Variants in RUNX1 observed in about 807,000 individuals in gnomAD.
RUNX1 encodes RUNX family transcription factor 1, also known as runt-related transcription factor 1.
A neutral mutation model predicts 42.8 loss-of-function variants in RUNX1; 19 were observed. The ratio of observed to expected loss-of-function variants is 0.44; its 90% CI spans 0.31 to 0.65. RUNX1 has a LOEUF of 0.65. Ranked by LOEUF, RUNX1 falls within the 30% of genes least tolerant of loss-of-function variation. RUNX1 has a pLI of 0.07. For synonymous variants in RUNX1, 271 were observed against 289.4 expected (o/e 0.94, Z 0.64); for missense variants, 528 against 672.0 (o/e 0.79, Z 2.37).
Position 34,792,307 on chromosome 21 carries a change from GA to G in RUNX1, c.1270del (p.Ser424ArgfsTer170). 8 of 1,542,120 alleles carry G rather than the reference GA, an allele frequency of 5.2e-6. No individual in the cohort carries two copies. The highest frequency in any genetic ancestry group is 2.0e-5 in the Admixed American group (1 of 50,902). On this transcript the variant is annotated frameshift_variant, in exon 9 of 9. Coordinates refer to ENST00000675419, the MANE Select transcript of RUNX1 (RefSeq NM_001754.5). LOFTEE classifies it high-confidence loss of function. The surrounding 1 kb of genome is among the most constrained non-coding windows in gnomAD (Gnocchi z 6.9). ...GCAGGGCGGCAGGATGCGCGGCGGC[GA>G]GCGCTCGCCGCCCACCATGGAGAAC... ...YQFSMVGGER[S>X]PPRILPPCTN...
At chr21:35,028,006 T>A (rs2059249043) in intron 2 of RUNX1, among the ~76,000 whole-genome samples, 2 of 152,186 alleles carry the variant, frequency 1.3e-5, no homozygotes, top group South Asian at 4.1e-4. Flanking sequence ...AAATCCATGG[T>A]ATATGAATAA....
chr21:34,964,306 G>A (rs2058702547), intron 2 of RUNX1, among the ~76,000 whole-genome samples: 1 of 151,960 alleles, frequency 6.6e-6, no homozygotes. Flanking sequence ...GGCTAACATG[G>A]TGAAACCCCA....
intron 2 of RUNX1, among the ~76,000 whole-genome samples, chr21:34,929,491 C>A (rs2058423941): frequency 6.6e-6 from 1 of 152,140 alleles, no homozygotes; most frequent in Non-Finnish European, 1.5e-5. Flanking sequence ...AAGAGAGATT[C>A]TCATATGTTT....
At chr21:34,872,674 C>T (rs1050794686) in intron 5 of RUNX1, among the ~76,000 whole-genome samples, 1 of 152,004 alleles carries the variant, frequency 6.6e-6, no homozygotes. Context: ...ATGATCAGGG[C>T]GAGATCACGC....
intron 2 of RUNX1, among the ~76,000 whole-genome samples, chr21:34,951,370 G>T (rs919513867): frequency 6.6e-6 from 1 of 152,182 alleles, no homozygotes; most frequent in African/African-American, 2.4e-5. Flanking sequence ...AGTTTAATTA[G>T]ATCCCATTTG....
At chr21:34,818,128 A>C (rs1252694591) in intron 7 of RUNX1, among the ~76,000 whole-genome samples, 1 of 152,184 alleles carries the variant, frequency 6.6e-6, no homozygotes, top group East Asian at 1.9e-4. Context: ...AGGCGCCCTC[A>C]GTGTGCAAAG....
At chr21:34,922,596 T>G (rs150093487) in intron 2 of RUNX1, among the ~76,000 whole-genome samples, 341 of 152,296 alleles carry the variant, frequency 2.2e-3, no homozygotes, top group African/African-American at 7.8e-3. Context: ...CTACATCACA[T>G]GGGCTGATGA....
intron 7 of RUNX1, among the ~76,000 whole-genome samples, chr21:34,811,248 G>C (rs957853181): frequency 6.6e-6 from 1 of 152,194 alleles, no homozygotes; most frequent in Non-Finnish European, 1.5e-5. Flanking sequence ...TCCCCAAGTG[G>C]AAGTGCCTCG....
intron 2 of RUNX1, among the ~76,000 whole-genome samples, chr21:35,009,564 G>A (rs1433905233): frequency 2.6e-5 from 4 of 152,190 alleles, no homozygotes; most frequent in Admixed American, 6.5e-5. Context: ...ACCTAAGCAT[G>A]CATCACTGAA....
intron 2 of RUNX1, among the ~76,000 whole-genome samples, chr21:34,952,362 C>T (rs2058614886): frequency 6.6e-6 from 1 of 151,904 alleles, no homozygotes; most frequent in Non-Finnish European, 1.5e-5. Flanking sequence ...CACATGTACC[C>T]TAGAACTTAA....
At chr21:35,019,491 T>C (rs2059183110) in intron 2 of RUNX1, among the ~76,000 whole-genome samples, 1 of 152,186 alleles carries the variant, frequency 6.6e-6, no homozygotes, top group African/African-American at 2.4e-5. Context: ...ATACTGCCAG[T>C]GCACTGAGCA....
chr21:34,951,152 G>C (rs1569120916), intron 2 of RUNX1, among the ~76,000 whole-genome samples: 1 of 152,156 alleles, frequency 6.6e-6, no homozygotes, highest in Non-Finnish European at 1.5e-5. Context: ...CTGCCCAAGG[G>C]ATAGTTCACA....
chr21:34,886,967 C>T lies in RUNX1; in HGVS notation c.227G>A (p.Arg76His), dbSNP rs780816315. The T allele has an allele frequency of 1.9e-6, 3 of 1,610,854 alleles. No homozygotes were observed. In the East Asian group the frequency reaches 6.7e-5, roughly 36 times the overall value. The change falls in exon 4 of 9, where the codon CGC becomes CAC. Residue 76 changes from arginine (R) to histidine (H), a missense_variant. Transcript: ENST00000675419. ...ALAGKLRSGDRSMVEVLADHP... is the reference protein window; with the variant it reads ...ALAGKLRSGDHSMVEVLADHP... ...GTCGGCCAGCACCTCCACCATGCTG[C>T]GGTCGCCGCTCCTCAGCTTGCCGGC...
chr21:34,993,309 T>C lies in RUNX1; in HGVS notation c.58+55533A>G, dbSNP rs2058960106. ...CTATAGGATGGGGTAAGGTAAGATG[T>C]AGGGTAGAAACCATTATCTTAAAAA... On this transcript the variant is annotated intron_variant, in intron 2 of 8. Transcript: ENST00000675419. Among the ~76,000 whole-genome samples the C allele has an allele frequency of 2.0e-5, 3 of 152,194 alleles. No homozygotes were observed. In the South Asian group the frequency reaches 6.2e-4, roughly 32 times the overall value.
intron 6 of RUNX1, among the ~76,000 whole-genome samples, chr21:34,851,760 G>A (rs1390385541): frequency 2.6e-5 from 4 of 152,186 alleles, no homozygotes; most frequent in Non-Finnish European, 5.9e-5. Context: ...CCTCTTCTCT[G>A]CTCCCACATT....
At chr21:34,824,022 A>C (rs1049209434) in intron 7 of RUNX1, among the ~76,000 whole-genome samples, 2 of 152,220 alleles carry the variant, frequency 1.3e-5, no homozygotes, top group African/African-American at 4.8e-5. Flanking sequence ...GGTTGTATGG[A>C]ATAATGATGG....
chr21:35,048,803 T>G (rs1452646419), intron 2 of RUNX1, 39 bp downstream of exon 2: 1 of 1,569,814 alleles, frequency 6.4e-7, no homozygotes, highest in Non-Finnish European at 8.8e-7. Flanking sequence ...CAGGCAAAGC[T>G]GAGCAAAAGT....
intron 6 of RUNX1, among the ~76,000 whole-genome samples, chr21:34,835,176 T>TCCTCAGCC (rs2057127096): frequency 1.3e-5 from 2 of 152,170 alleles, no homozygotes; most frequent in African/African-American, 4.8e-5. Flanking sequence ...ACGCAGGGCA[T>TCCTCAGCC]CCTCAGCCCC....
chr21:34,963,415 A>T (rs1269504068), intron 2 of RUNX1, among the ~76,000 whole-genome samples: 1 of 152,186 alleles, frequency 6.6e-6, no homozygotes. Flanking sequence ...AGGATGAAAA[A>T]GCCCAGAACT....
Sources: gnomAD v4.1 joint callset for allele counts (sites outside exome capture counted in the v4.1 genomes callset) on GRCh38, gnomAD v4.1.1 for gene constraint, Gnocchi (gnomAD v3.1) non-coding constraint, MANE v1.5 for transcripts, NCBI Gene and HGNC (gene_info 2026-07-23, HGNC 2026-07-21) for gene names.